SPON2: variants seen among roughly 807,000 people sequenced by gnomAD.
SPON2 encodes spondin-2.
SPON2 carries 32 observed loss-of-function variants against 29.9 expected under a neutral mutation model. The observed-to-expected ratio is 1.07, with a 90% CI of 0.81 to 1.44. The LOEUF (loss-of-function observed/expected upper bound fraction) is 1.44. SPON2 is among the 40% of genes most tolerant of loss of function. The pLI, the probability that SPON2 is intolerant of heterozygous loss-of-function variation, is 0.00. For synonymous variants in SPON2, 248 were observed against 209.1 expected, an observed-to-expected ratio of 1.19 and a Z score of -1.61; for missense variants, 541 against 455.5, an observed-to-expected ratio of 1.19 and a Z score of -1.71.
Position 1,202,986 on chromosome 4 carries a change from G to A in SPON2, c.-234+4894C>T, listed in dbSNP as rs995537977. On this transcript the variant is annotated intron_variant, in intron 1 of 3. Transcript: ENST00000509233. This position sits in a 1 kb window ranked among gnomAD's most constrained non-coding sequence, Gnocchi z 5.4. Reference sequence around the variant, plus strand: ...CTCTGCGGTCCCAAAGGTGCCCCAGGGTCTCATCCCTTGCCATGATTCTGT... The same window carrying A: ...CTCTGCGGTCCCAAAGGTGCCCCAGAGTCTCATCCCTTGCCATGATTCTGT... 6.6e-6 allele frequency among the ~76,000 whole-genome samples: 1 copy of A among 152,158 alleles called. No individual in the cohort carries two copies. Among genetic ancestry groups the A allele is most frequent in the Non-Finnish European group, 1.5e-5 (1 of 68,034 alleles).
chr4:1,184,097 C>T (rs1385115525), intron 1 of SPON2, among the ~76,000 whole-genome samples: 1 of 152,146 alleles, frequency 6.6e-6, no homozygotes, highest in East Asian at 1.9e-4. Flanking sequence ...CCACCTCAGC[C>T]TCCCAAGTAG....
chr4:1,186,276 T>A (rs1193029933), intron 1 of SPON2, among the ~76,000 whole-genome samples: 10 of 140,954 alleles, frequency 7.1e-5, no homozygotes, highest in South Asian at 2.2e-4. Context: ...ATCAACAGAG[T>A]AAAGGGGCAA....
chr4:1,194,156 G>A (rs1443901094), intron 1 of SPON2, among the ~76,000 whole-genome samples: 1 of 152,136 alleles, frequency 6.6e-6, no homozygotes, highest in Non-Finnish European at 1.5e-5. Context: ...CCTATGGGGA[G>A]AGAGACACCC....
At position 1,171,249 on chromosome 4, in the gene SPON2, G is replaced by C; in HGVS notation, c.444+14C>G. On this transcript the variant is annotated intron_variant, in intron 3 of 5. Coordinates refer to ENST00000290902, the MANE Select transcript of SPON2 (RefSeq NM_012445.4). ...GGCCCCCCGGACCCCGCCCCCGGCC[G>C]GCCCCGCGCTCACCAGCGAGTGCCT... is the stretch of plus-strand genomic sequence containing the variant. 5.6e-6 allele frequency: 8 copies of C among 1,434,490 alleles called. No homozygotes were observed. Among genetic ancestry groups the C allele is most frequent in the Non-Finnish European group, 7.2e-6 (8 of 1,104,542 alleles). The allele number at this position is 1,434,490 out of a possible 1,614,324, so 88.9% of individuals were successfully genotyped here. A position where few individuals can be genotyped will look rare whatever the true frequency, so the allele number is the denominator to read the frequency against.
upstream of SPON2, among the ~76,000 whole-genome samples, chr4:1,177,933 G>A (rs536350935): frequency 2.0e-5 from 3 of 152,292 alleles, no homozygotes; most frequent in East Asian, 3.9e-4. Flanking sequence ...ACCCTGCTGC[G>A]CATTTGAAAA....
At chr4:1,176,956 G>A (rs141455287), upstream of SPON2, among the ~76,000 whole-genome samples, 489 of 152,364 alleles carry the variant, frequency 3.2e-3, 4 homozygotes, top group Middle Eastern at 0.014. Flanking sequence ...GGACAAAGGA[G>A]TGACCCCACT....
intron 1 of SPON2, among the ~76,000 whole-genome samples, chr4:1,183,433 T>A (rs914775230): frequency 4.6e-5 from 7 of 152,182 alleles, no homozygotes; most frequent in Admixed American, 4.6e-4. Context: ...AAAGTAGATA[T>A]GTGAGCAATG....
At chr4:1,176,514 AC>A (rs1274418319), upstream of SPON2, among the ~76,000 whole-genome samples, 1 of 151,186 alleles carries the variant, frequency 6.6e-6, no homozygotes, top group African/African-American at 2.4e-5. Context: ...TCCACACAGT[AC>A]ATTGATTCAC....
chr4:1,186,053 G>T (rs909958258), intron 1 of SPON2, among the ~76,000 whole-genome samples: 2 of 149,018 alleles, frequency 1.3e-5, no homozygotes, highest in Non-Finnish European at 3.0e-5. Flanking sequence ...GACCATCCTG[G>T]CTAACACGGT....
chr4:1,200,493 G>A (rs1217981293), intron 1 of SPON2: 1 of 294,210 alleles, frequency 3.4e-6, no homozygotes, highest in Non-Finnish European at 6.7e-6. Context: ...CTCAGCGGGG[G>A]CGGGGGCGGG....
At chr4:1,169,363 G>T (rs539687872) in intron 5 of SPON2, among the ~76,000 whole-genome samples, 1 of 152,244 alleles carries the variant, frequency 6.6e-6, no homozygotes, top group East Asian at 1.9e-4. Flanking sequence ...AGGAGCCCAA[G>T]CCTGCACTGG....
chr4:1,174,486 CAAA>C (rs59532169), upstream of SPON2, among the ~76,000 whole-genome samples: 5 of 94,254 alleles, frequency 5.3e-5, no homozygotes, highest in Admixed American at 1.0e-4. Flanking sequence ...GACTCCATCT[CAAA>C]AAAAAAAAAA....
upstream of SPON2, among the ~76,000 whole-genome samples, chr4:1,177,217 G>A (rs1159215833): frequency 6.6e-6 from 1 of 152,218 alleles, no homozygotes; most frequent in Non-Finnish European, 1.5e-5. Context: ...TCCACATCCA[G>A]CTCCACCTGG....
chr4:1,170,488 A>AG lies in SPON2; in HGVS notation c.724_725insC (p.Val242AlafsTer23). The AG allele has an allele frequency of 3.7e-6, 6 of 1,614,024 alleles. No homozygotes were observed. Among genetic ancestry groups the AG allele is most frequent in the Non-Finnish European group, 5.1e-6 (6 of 1,179,938 alleles). ...GGCCCTGGGGCTCTGTCGCAGCCGC[A>AG]CCAGTGTCACCCTGGCGATGGGAGG... On this transcript the variant is annotated frameshift_variant, in exon 5 of 6. Coordinates refer to ENST00000290902, the MANE Select transcript of SPON2 (RefSeq NM_012445.4). LOFTEE classifies it high-confidence loss of function.
chr4:1,173,204 C>A, upstream of SPON2: 1 of 153,088 alleles, frequency 6.5e-6, no homozygotes, highest in Non-Finnish European at 1.5e-5. Flanking sequence ...GCTCCCGGCG[C>A]AGGCATCCCT....
rs114710775 is a variant in SPON2, at chr4:1,200,984, G to A, written c.-234+6896C>T. On this transcript the variant is annotated intron_variant, in intron 1 of 3. Coordinates refer to the SPON2 transcript ENST00000509233. ...ACCTGTACGCCAGGGCCTTCTAGAC[G>A]GTTCTGGCCCCTCCCGTGTGGACTG... 2,902 of 456,742 alleles carry A rather than the reference G, an allele frequency of 6.4e-3. 75 individuals are homozygous for A. The highest frequency in any genetic ancestry group is 0.053 in the African/African-American group (2,661 of 50,204). The allele number at this position is 456,742 out of a possible 1,614,324, so 28.3% of individuals were successfully genotyped here. A position where few individuals can be genotyped will look rare whatever the true frequency, so the allele number is the denominator to read the frequency against.
intron 1 of SPON2, among the ~76,000 whole-genome samples, chr4:1,188,202 CAAAAAAA>C (rs1164276990): frequency 1.9e-3 from 69 of 36,562 alleles, no homozygotes; most frequent in East Asian, 4.4e-3. Context: ...GACTCCGTCT[CAAAAAAA>C]AAAAAAAAAA....
At chr4:1,168,492 TG>T (rs1294399032) in intron 5 of SPON2, among the ~76,000 whole-genome samples, 1 of 152,224 alleles carries the variant, frequency 6.6e-6, no homozygotes, top group Non-Finnish European at 1.5e-5. Flanking sequence ...CTGGAAGCCC[TG>T]GCCAGGCCCA....
upstream of SPON2, among the ~76,000 whole-genome samples, chr4:1,176,519 G>A (rs929210166): frequency 2.7e-5 from 4 of 148,320 alleles, no homozygotes; most frequent in Non-Finnish European, 6.0e-5. Context: ...ACAGTACATT[G>A]ATTCACACAG....
Sources: allele counts gnomAD v4.1 joint callset (sites outside exome capture counted in the v4.1 genomes callset), GRCh38; gene constraint gnomAD v4.1.1; non-coding constraint Gnocchi (gnomAD v3.1); transcripts MANE v1.5; gene names NCBI Gene and HGNC (gene_info 2026-07-23, HGNC 2026-07-21).